Variants in CCDC7 observed in about 807,000 individuals in gnomAD.
The protein encoded by CCDC7 is coiled-coil domain containing 7.
Under a neutral mutation model 196.9 loss-of-function variants are expected in CCDC7, and 183 were observed. The observed-to-expected ratio is 0.93, with a 90% CI of 0.82 to 1.05. The LOEUF (loss-of-function observed/expected upper bound fraction) is 1.05, where lower values mean the gene tolerates loss of function less well. CCDC7 is among the 50% of genes least tolerant of loss of function. CCDC7 has a pLI of 0.00. For synonymous variants in CCDC7, 525 were observed against 484.6 expected, an observed-to-expected ratio of 1.08 and a Z score of -1.10; for missense variants, 1,540 against 1,482.2, an observed-to-expected ratio of 1.04 and a Z score of -0.64.
At chr10:32,560,145 A>G (rs1391764601) in intron 13 of CCDC7, among the ~76,000 whole-genome samples, 2 of 152,234 alleles carry the variant, frequency 1.3e-5, no homozygotes, top group Non-Finnish European at 2.9e-5. Flanking sequence ...AGAAACGAAC[A>G]AAGCCTCCAA....
intron 6 of CCDC7, 95 bp from the exon 8 acceptor site, chr10:32,472,386 A>G (rs1293216214): frequency 7.2e-6 from 8 of 1,118,670 alleles, no homozygotes; most frequent in Non-Finnish European, 2.4e-6. Flanking sequence ...TACAAACTTC[A>G]TATGTCTGGA....
At chr10:32,516,856 T>G (rs2047105459) in intron 9 of CCDC7, among the ~76,000 whole-genome samples, 1 of 152,182 alleles carries the variant, frequency 6.6e-6, no homozygotes, top group African/African-American at 2.4e-5. Flanking sequence ...ACACAAAAAC[T>G]TGTACATAAA....
At chr10:32,830,752 TTAAAG>T (rs2092082083) in intron 32 of CCDC7, among the ~76,000 whole-genome samples, 1 of 152,132 alleles carries the variant, frequency 6.6e-6, no homozygotes, top group South Asian at 2.1e-4. Context: ...ATCTGTAAAT[TTAAAG>T]TAATAGGATT....
chr10:32,511,988 T>C lies in CCDC7; in HGVS notation c.873-5957T>C, dbSNP rs544944548. 4 of 463,802 alleles carry C rather than the reference T, an allele frequency of 8.6e-6. No homozygotes were observed. In the South Asian group the frequency reaches 1.1e-4, roughly 13 times the overall value. 28.7% of individuals were successfully genotyped at this position (463,802 alleles called of 1,614,324 possible). A position where few individuals can be genotyped will look rare whatever the true frequency, so the allele number is the denominator to read the frequency against. The stretch of plus-strand genomic sequence containing the variant: ...ATAGTAGCAGGATAGGACAATCATG[T>C]TGGTCTTTGGGGGAGCTAATAGACA... On this transcript the variant is annotated intron_variant, in intron 9 of 41. Coordinates refer to ENST00000639629, the Ensembl canonical transcript of CCDC7.
chr10:32,754,420 A>G (rs2076103419), intron 28 of CCDC7, among the ~76,000 whole-genome samples: 1 of 152,236 alleles, frequency 6.6e-6, no homozygotes, highest in Non-Finnish European at 1.5e-5. Flanking sequence ...TTTCATGCTC[A>G]TGAGTGAAAG....
chr10:32,723,461 C>T (rs532477298), intron 25 of CCDC7, among the ~76,000 whole-genome samples: 26 of 152,160 alleles, frequency 1.7e-4, no homozygotes, highest in South Asian at 6.2e-4. Flanking sequence ...CATCTACCAC[C>T]GGGGTGGCTA....
rs188014822 is a variant in CCDC7, at chr10:32,705,335, G to C, written c.2459-6285G>C. Among the ~76,000 whole-genome samples, 379 of 152,180 alleles carry C rather than the reference G, an allele frequency of 2.5e-3. 8 individuals carry two copies. The highest frequency in any genetic ancestry group is 0.022 in the Admixed American group (330 of 15,304). ...TGAAGGAAGCGCTAAACATGGAAAG[G>C]AACAACTGGTACCATCCACTGCAAA... On this transcript the variant is annotated intron_variant, in intron 24 of 41. Coordinates refer to ENST00000639629, the Ensembl canonical transcript of CCDC7.
At chr10:32,516,988 A>G (rs901506735) in intron 9 of CCDC7, among the ~76,000 whole-genome samples, 17 of 152,258 alleles carry the variant, frequency 1.1e-4, no homozygotes, top group African/African-American at 3.6e-4. Context: ...AGTAACATAG[A>G]TAAACATAGA....
intron 41 of CCDC7, among the ~76,000 whole-genome samples, chr10:32,859,514 G>C (rs1013192106): frequency 1.3e-5 from 2 of 152,050 alleles, no homozygotes; most frequent in African/African-American, 4.8e-5. Flanking sequence ...AAGAACTAGA[G>C]AAGCAAGAGC....
intron 8 of CCDC7, among the ~76,000 whole-genome samples, chr10:32,484,269 G>C (rs993401729): frequency 2.6e-5 from 4 of 152,136 alleles, no homozygotes; most frequent in Admixed American, 6.5e-5. Flanking sequence ...TTGTGAATGG[G>C]AGTTCCCTCA....
chr10:32,740,172 G>A (rs2085581077), intron 28 of CCDC7, among the ~76,000 whole-genome samples: 1 of 152,138 alleles, frequency 6.6e-6, no homozygotes, highest in Non-Finnish European at 1.5e-5. Context: ...GTAGAAAGCA[G>A]CTGGAGTTGG....
chr10:32,548,765 G>A (rs978874645), intron 13 of CCDC7, among the ~76,000 whole-genome samples: 1 of 152,184 alleles, frequency 6.6e-6, no homozygotes, highest in African/African-American at 2.4e-5. Flanking sequence ...TGGCTGAGTA[G>A]TATTCCATCA....
At chr10:32,667,759 T>G (rs2073121735) in intron 21 of CCDC7, among the ~76,000 whole-genome samples, 1 of 152,204 alleles carries the variant, frequency 6.6e-6, no homozygotes, top group African/African-American at 2.4e-5. Flanking sequence ...CCATGCTCTT[T>G]TGGTTACTGC....
chr10:32,622,493 A>G (rs1285885599), intron 18 of CCDC7, among the ~76,000 whole-genome samples: 1 of 151,980 alleles, frequency 6.6e-6, no homozygotes, highest in Non-Finnish European at 1.5e-5. Flanking sequence ...GTAAAGATGT[A>G]CTATGGGGGT....
intron 20 of CCDC7, among the ~76,000 whole-genome samples, chr10:32,656,557 T>C (rs2069920087): frequency 6.6e-6 from 1 of 152,130 alleles, no homozygotes; most frequent in Admixed American, 6.6e-5. Flanking sequence ...CAGAAAACCA[T>C]CAGATCTTGT....
intron 2 of CCDC7, 43 bp downstream of exon 3, chr10:32,453,479 A>G: frequency 1.5e-6 from 2 of 1,295,882 alleles, no homozygotes; most frequent in Non-Finnish European, 2.0e-6. Flanking sequence ...AACACTGAAA[A>G]GGGTCGATTT....
At chr10:32,746,165 A>C (rs765008106) in intron 28 of CCDC7, among the ~76,000 whole-genome samples, 9 of 152,096 alleles carry the variant, frequency 5.9e-5, no homozygotes, top group Non-Finnish European at 8.8e-5. Context: ...CGGCATTGAG[A>C]GTGGACAGAG....
At chr10:32,728,845 T>C in intron 26 of CCDC7, 42 bp from the exon 28 acceptor site, 1 of 1,118,784 alleles carries the variant, frequency 8.9e-7, no homozygotes, top group Middle Eastern at 2.3e-4. Flanking sequence ...ATTCATAGAT[T>C]TATGTTTCCA....
At chr10:32,557,375 G>A (rs1286088493) in intron 13 of CCDC7, among the ~76,000 whole-genome samples, 1 of 151,460 alleles carries the variant, frequency 6.6e-6, no homozygotes, top group Non-Finnish European at 1.5e-5. Context: ...AACATGTTGA[G>A]TATGTTAATT....
Sources: gnomAD v4.1 joint callset for allele counts (sites outside exome capture counted in the v4.1 genomes callset) on GRCh38, gnomAD v4.1.1 for gene constraint, MANE v1.5 for transcripts, NCBI Gene and HGNC (gene_info 2026-07-23, HGNC 2026-07-21) for gene names.